SHROOM3: variants seen among roughly 807,000 people sequenced by gnomAD.
SHROOM3 encodes shroom family member 3.
A neutral mutation model predicts 138.6 loss-of-function variants in SHROOM3; 47 were observed. The observed-to-expected ratio is 0.34, with a 90% CI of 0.27 to 0.43. The LOEUF is 0.43. Ranked by LOEUF, SHROOM3 falls within the 20% of genes least tolerant of loss-of-function variation. The pLI, the probability that SHROOM3 is intolerant of heterozygous loss-of-function variation, is 1.00. For synonymous variants in SHROOM3, 1,062 were observed against 1,063.3 expected, an observed-to-expected ratio of 1.00 and a Z score of 0.02; for missense variants, 2,491 against 2,596.5, an observed-to-expected ratio of 0.96 and a Z score of 0.88.
chr4:76,776,187 T>G (rs1159290424), intron 10 of SHROOM3, among the ~76,000 whole-genome samples: 1 of 152,190 alleles, frequency 6.6e-6, no homozygotes, highest in Non-Finnish European at 1.5e-5. Context: ...GGTATTGCAT[T>G]GTGGTTTTGA....
At chr4:76,597,833 G>T (rs954110997) in intron 2 of SHROOM3, among the ~76,000 whole-genome samples, 10 of 152,238 alleles carry the variant, frequency 6.6e-5, no homozygotes, top group African/African-American at 1.9e-4. Flanking sequence ...GAACCAAAAG[G>T]CTCCCATCTA....
intron 6 of SHROOM3, among the ~76,000 whole-genome samples, chr4:76,753,561 G>A (rs1721702471): frequency 1.3e-5 from 2 of 152,238 alleles, no homozygotes; most frequent in African/African-American, 2.4e-5. Flanking sequence ...AGCAGGTAGT[G>A]CCACAGACTC....
intron 5 of SHROOM3, among the ~76,000 whole-genome samples, chr4:76,748,556 T>G (rs970458100): frequency 1.3e-5 from 2 of 152,220 alleles, no homozygotes; most frequent in Non-Finnish European, 2.9e-5. Context: ...CAAATTCATA[T>G]CTTCACTAAT....
chr4:76,473,750 C>A (rs1008816682), intron 1 of SHROOM3, among the ~76,000 whole-genome samples: 5 of 152,020 alleles, frequency 3.3e-5, no homozygotes, highest in Admixed American at 6.6e-5. Flanking sequence ...AAATGCAAAT[C>A]AAAAATACAA....
chr4:76,539,889 C>T (rs1353513412), intron 1 of SHROOM3, among the ~76,000 whole-genome samples: 1 of 152,176 alleles, frequency 6.6e-6, no homozygotes, highest in Non-Finnish European at 1.5e-5. Flanking sequence ...GCTCTTTCAC[C>T]CAGGCTGGAG....
chr4:76,466,595 T>A (rs933337574), intron 1 of SHROOM3, among the ~76,000 whole-genome samples: 1 of 152,230 alleles, frequency 6.6e-6, no homozygotes, highest in Non-Finnish European at 1.5e-5. Flanking sequence ...GGGGCCCTGC[T>A]GTTTTCTGGA....
intron 1 of SHROOM3, among the ~76,000 whole-genome samples, chr4:76,541,449 G>C (rs1318724160): frequency 2.6e-5 from 4 of 152,148 alleles, no homozygotes; most frequent in African/African-American, 7.2e-5. Context: ...GCATGGCTGG[G>C]GGCCAGCTAG....
At chr4:76,721,286 G>A (rs1720545789) in intron 3 of SHROOM3, among the ~76,000 whole-genome samples, 1 of 151,872 alleles carries the variant, frequency 6.6e-6, no homozygotes, top group South Asian at 2.1e-4. Context: ...ACTCCAGCCT[G>A]GGTGACAGAG....
At chr4:76,653,090 G>A (rs969727233) in intron 2 of SHROOM3, among the ~76,000 whole-genome samples, 4 of 152,004 alleles carry the variant, frequency 2.6e-5, no homozygotes, top group African/African-American at 9.7e-5. Flanking sequence ...TATGAAATGA[G>A]CTCATATTAT....
chr4:76,740,991 T>G lies in SHROOM3; in HGVS notation c.2818T>G (p.Ser940Ala). 6.7e-7 allele frequency: 1 copy of G among 1,490,276 alleles called. No homozygotes were observed. Among genetic ancestry groups the G allele is most frequent in the Non-Finnish European group, 8.9e-7 (1 of 1,124,180 alleles). 92.3% of individuals were successfully genotyped at this position (1,490,276 alleles called of 1,614,324 possible). ...DAQSRVLGAT[S>A]FRRRDLELGA... Reference sequence around the variant, plus strand: ...ACAGTCCCGTGTCTTGGGGGCCACCTCCTTTCGACGTCGAGACCTGGAGCT... The same window carrying G: ...ACAGTCCCGTGTCTTGGGGGCCACCGCCTTTCGACGTCGAGACCTGGAGCT... Residue 940 changes from serine to alanine, a missense_variant, in exon 5 of 11, where the codon TCC (serine) becomes GCC (alanine). Ser to Ala is a moderately conservative substitution (Grantham distance 99). Transcript: ENST00000296043. The surrounding 1 kb of genome is among the most constrained non-coding windows in gnomAD (Gnocchi z 4.0).
intron 1 of SHROOM3, among the ~76,000 whole-genome samples, chr4:76,529,297 A>G (rs1219065923): frequency 6.6e-6 from 1 of 151,544 alleles, no homozygotes; most frequent in Non-Finnish European, 1.5e-5. Context: ...AGGGCTCTCC[A>G]TGAGAATATC....
intron 1 of SHROOM3, among the ~76,000 whole-genome samples, chr4:76,462,733 TC>T (rs1438602794): frequency 1.5e-3 from 209 of 138,158 alleles, no homozygotes; most frequent in African/African-American, 5.7e-3. Flanking sequence ...TCCCTTTCCC[TC>T]TCCATCTCCA....
intron 10 of SHROOM3, 62 bp from the exon 11 acceptor site, chr4:76,778,747 G>A: frequency 6.2e-7 from 1 of 1,609,322 alleles, no homozygotes; most frequent in Non-Finnish European, 8.5e-7. Context: ...GTCCTTGCAG[G>A]GAGTCTGGCT....
intron 1 of SHROOM3, among the ~76,000 whole-genome samples, chr4:76,473,450 A>C (rs964938078): frequency 6.6e-6 from 1 of 152,064 alleles, no homozygotes; most frequent in African/African-American, 2.4e-5. Flanking sequence ...TCTATGAAAA[A>C]TTTTAAAAAT....
In SHROOM3 at chr4:76,759,695, G is replaced by A; in HGVS notation, c.5349G>A (p.Lys1783=). The A allele has an allele frequency of 1.9e-6, 3 of 1,613,408 alleles. No individual in the cohort carries two copies. The highest frequency in any genetic ancestry group is 2.5e-6 in the Non-Finnish European group (3 of 1,179,662). The change falls in exon 9 of 11, where the codon AAG becomes AAA. Residue 1783 remains lysine (K), a splice_region_variant and synonymous_variant. Coordinates refer to ENST00000296043, the MANE Select transcript of SHROOM3 (RefSeq NM_020859.4). ...EEEQADVNEK[K]AELIGSLTHK... Reference sequence around the variant, plus strand: ...AACAGGCAGATGTCAATGAAAAGAAGGTAAATAAAGAATGGGATGCCCTTG... The same window carrying A: ...AACAGGCAGATGTCAATGAAAAGAAAGTAAATAAAGAATGGGATGCCCTTG...
At chr4:76,542,518 A>G (rs1733125344) in intron 1 of SHROOM3, among the ~76,000 whole-genome samples, 1 of 152,262 alleles carries the variant, frequency 6.6e-6, no homozygotes, top group South Asian at 2.1e-4. Context: ...AAATGAAAGA[A>G]GCAGGAGAGT....
chr4:76,507,087 A>G (rs975651819), intron 1 of SHROOM3, among the ~76,000 whole-genome samples: 1 of 152,234 alleles, frequency 6.6e-6, no homozygotes, highest in African/African-American at 2.4e-5. Context: ...ATTTATAATG[A>G]AAAAGATTAT....
chr4:76,761,588 A>C (rs1388819275), intron 9 of SHROOM3, among the ~76,000 whole-genome samples: 2 of 152,212 alleles, frequency 1.3e-5, no homozygotes, highest in Non-Finnish European at 1.5e-5. Flanking sequence ...AGCCTGCTAA[A>C]AATTGCTCCC....
At position 76,780,333 on chromosome 4, in the gene SHROOM3, G is replaced by A. The variant is rs1722700665; in HGVS notation, c.*1156G>A. On this transcript the variant is annotated 3_prime_UTR_variant, in exon 11 of 11. Transcript: ENST00000296043. ...CAAACTGGAAGGCTGAGGAGGTTAT[G>A]GGCTGGCAGCCAGGCTATGTTTACA... is the stretch of plus-strand genomic sequence containing the variant. 1 of 152,158 alleles carries A rather than the reference G, an allele frequency of 6.6e-6. No individual in the cohort carries two copies. Among genetic ancestry groups the A allele is most frequent in the Non-Finnish European group, 1.5e-5 (1 of 68,024 alleles). 9.4% of individuals were successfully genotyped at this position (152,158 alleles called of 1,614,324 possible). A position where few individuals can be genotyped will look rare whatever the true frequency, so the allele number is the denominator to read the frequency against.
Sources: gnomAD v4.1 joint callset for allele counts (sites outside exome capture counted in the v4.1 genomes callset) on GRCh38, gnomAD v4.1.1 for gene constraint, Gnocchi (gnomAD v3.1) non-coding constraint, MANE v1.5 for transcripts, NCBI Gene and HGNC (gene_info 2026-07-23, HGNC 2026-07-21) for gene names.